The following CAPZA1 variants were observed in gnomAD, a reference collection of about 807,000 sequenced individuals.
CAPZA1 encodes the protein F-actin-capping protein subunit alpha-1.
A neutral mutation model predicts 40.8 loss-of-function variants in CAPZA1; 10 were observed. The observed-to-expected ratio is 0.25, with a 90% CI of 0.15 to 0.42. The LOEUF (loss-of-function observed/expected upper bound fraction) is 0.42. Among genes scored for constraint, CAPZA1 ranks in the 10% least tolerant of loss-of-function variants. CAPZA1 has a pLI of 1.00. For synonymous variants in CAPZA1, 98 were observed against 115.0 expected (o/e 0.85, Z 0.95); for missense variants, 277 against 353.8 (o/e 0.78, Z 1.74).
intron 1 of CAPZA1, among the ~76,000 whole-genome samples, chr1:112,646,438 G>C (rs1017072322): frequency 6.6e-6 from 1 of 152,030 alleles, no homozygotes; most frequent in African/African-American, 2.4e-5. Flanking sequence ...GAAGTTAGGT[G>C]TGGTGGCACA....
chr1:112,643,296 T>C (rs1351606610), intron 1 of CAPZA1, among the ~76,000 whole-genome samples: 1 of 152,182 alleles, frequency 6.6e-6, no homozygotes, highest in African/African-American at 2.4e-5. Flanking sequence ...AATCTCTCTT[T>C]TTATTGTTTT....
intron 1 of CAPZA1, 143 bp from the exon 2 acceptor site, chr1:112,647,067 A>G (rs1184964106): frequency 2.4e-6 from 1 of 411,952 alleles, no homozygotes; most frequent in Non-Finnish European, 4.3e-6. Flanking sequence ...TGAAAAGAAA[A>G]TTTGAAGACT....
chr1:112,670,370 T>TTC lies in CAPZA1; in HGVS notation c.*239_*240insCT. 2.4e-6 allele frequency: 1 copy of TTC among 415,894 alleles called. No individual in the cohort carries two copies. Among genetic ancestry groups the TTC allele is most frequent in the Non-Finnish European group, 4.3e-6 (1 of 233,814 alleles). The allele number at this position is 415,894 out of a possible 1,614,324, so 25.8% of individuals were successfully genotyped here. A position where few individuals can be genotyped will look rare whatever the true frequency, so the allele number is the denominator to read the frequency against. On this transcript the variant is annotated 3_prime_UTR_variant, in exon 10 of 10. Coordinates refer to ENST00000263168, the MANE Select transcript of CAPZA1 (RefSeq NM_006135.3). ...CGTGTAAATCTTTTTTTCTTTTTTT[T>TTC]TTTTTTTTTTTGGTTAATTCTGCCA...
rs1204251382 is a variant in CAPZA1 at position 112,670,354 on chromosome 1, CTTTTTTTCT to C, written c.*230_*238del. The C allele has an allele frequency of 0.032, 4,218 of 130,468 alleles. 163 individuals carry two copies. The highest frequency in any genetic ancestry group is 0.18 in the African/African-American group (3,925 of 21,418). 8.1% of individuals were successfully genotyped at this position (130,468 alleles called of 1,614,324 possible). ...GTTACTGCTATATCTACGTGTAAAT[CTTTTTTTCT>C]TTTTTTTTTTTTTTTTTTGGTTAAT... On this transcript the variant is annotated 3_prime_UTR_variant, in exon 10 of 10. Coordinates refer to ENST00000263168, the MANE Select transcript of CAPZA1 (RefSeq NM_006135.3).
At chr1:112,628,013 T>G (rs1370020722) in intron 1 of CAPZA1, among the ~76,000 whole-genome samples, 1 of 150,994 alleles carries the variant, frequency 6.6e-6, no homozygotes, top group Non-Finnish European at 1.5e-5. Context: ...CCGTGAAGAG[T>G]TCTAGTATTT....
intron 1 of CAPZA1, among the ~76,000 whole-genome samples, chr1:112,637,473 G>T (rs1261063759): frequency 6.6e-6 from 1 of 152,184 alleles, no homozygotes; most frequent in Non-Finnish European, 1.5e-5. Flanking sequence ...GTTGAGACAG[G>T]CTCTTGCTCT....
intron 2 of CAPZA1, among the ~76,000 whole-genome samples, 190 bp from the exon 3 acceptor site, chr1:112,649,228 T>A (rs137927735): frequency 6.6e-6 from 1 of 152,344 alleles, no homozygotes; most frequent in African/African-American, 2.4e-5. Flanking sequence ...TGAGACTATA[T>A]AGCACACATA....
intron 7 of CAPZA1, among the ~76,000 whole-genome samples, chr1:112,665,174 T>C (rs1671699230): frequency 8.4e-6 from 1 of 118,790 alleles, no homozygotes; most frequent in African/African-American, 3.0e-5. Flanking sequence ...TGGGGTTTTT[T>C]TGTGTTTTTT....
At chr1:112,640,581 C>T (rs1202535632) in intron 1 of CAPZA1, among the ~76,000 whole-genome samples, 2 of 150,314 alleles carry the variant, frequency 1.3e-5, no homozygotes, top group African/African-American at 4.9e-5. Context: ...GCCAGCCGCC[C>T]CATCCGGGAG....
intron 7 of CAPZA1, 135 bp downstream of exon 7, chr1:112,659,914 T>G (rs924420846): frequency 3.0e-6 from 2 of 660,532 alleles, no homozygotes; most frequent in African/African-American, 1.8e-5. Flanking sequence ...AATAGAAGCC[T>G]CCTTCTTGGG....
intron 1 of CAPZA1, among the ~76,000 whole-genome samples, chr1:112,626,988 T>G (rs2101137966): frequency 6.6e-6 from 1 of 152,360 alleles, no homozygotes; most frequent in Middle Eastern, 3.4e-3. Context: ...TGGGTAACAT[T>G]TAAGTGCTTC....
chr1:112,643,809 TA>T (rs752821893), intron 1 of CAPZA1, among the ~76,000 whole-genome samples: 2 of 152,212 alleles, frequency 1.3e-5, no homozygotes, highest in Admixed American at 6.5e-5. Flanking sequence ...ATTATCTGTA[TA>T]AGCCTAGGAA....
chr1:112,627,579 C>G (rs1013685327), intron 1 of CAPZA1, among the ~76,000 whole-genome samples: 13 of 136,772 alleles, frequency 9.5e-5, no homozygotes, highest in African/African-American at 3.6e-4. Context: ...TTGCAGTGAG[C>G]CGAGATCATG....
At chr1:112,659,244 C>T (rs1671556077) in intron 6 of CAPZA1, 143 bp downstream of exon 6, 3 of 641,560 alleles carry the variant, frequency 4.7e-6, no homozygotes, top group Non-Finnish European at 8.4e-6. Context: ...AGATTCCTTA[C>T]AGTTCTAAGG....
intron 1 of CAPZA1, among the ~76,000 whole-genome samples, chr1:112,628,908 C>T (rs1670866372): frequency 6.6e-6 from 1 of 152,162 alleles, no homozygotes; most frequent in African/African-American, 2.4e-5. Context: ...TATTTCTTAC[C>T]ACACCCTTAT....
chr1:112,659,498 T>C (rs561716080), intron 6 of CAPZA1: 2 of 569,068 alleles, frequency 3.5e-6, no homozygotes. Flanking sequence ...AGAAAAGGCT[T>C]ATGGTCAGGC....
chr1:112,653,315 G>A (rs547489155), intron 3 of CAPZA1, among the ~76,000 whole-genome samples: 3 of 152,236 alleles, frequency 2.0e-5, no homozygotes, highest in East Asian at 1.9e-4. Flanking sequence ...ACCAACTTTG[G>A]AATTGTCTAA....
chr1:112,621,335 T>A lies in CAPZA1; in HGVS notation c.39+1452T>A, dbSNP rs187619875. 5.7e-4 allele frequency among the ~76,000 whole-genome samples: 86 copies of A among 151,916 alleles called. 1 individual carries two copies. The East Asian group carries it at 0.011, about 20-fold the overall frequency. On this transcript the variant is annotated intron_variant, in intron 1 of 9. Coordinates refer to ENST00000263168, the MANE Select transcript of CAPZA1 (RefSeq NM_006135.3). Reference sequence around the variant, plus strand: ...GAGTCTCGCTCGGCTCACTGCAACTTCCGCCTCCCTGGTTCAAATTATTCT... The same window carrying A: ...GAGTCTCGCTCGGCTCACTGCAACTACCGCCTCCCTGGTTCAAATTATTCT...
intron 3 of CAPZA1, among the ~76,000 whole-genome samples, chr1:112,651,551 G>C (rs550036882): frequency 6.6e-6 from 1 of 152,248 alleles, no homozygotes; most frequent in Non-Finnish European, 1.5e-5. Context: ...AAGAATCAAA[G>C]ATCACCCCAA....
Sources: gnomAD v4.1 joint callset for allele counts (sites outside exome capture counted in the v4.1 genomes callset) on GRCh38, gnomAD v4.1.1 for gene constraint, MANE v1.5 for transcripts, NCBI Gene and HGNC (gene_info 2026-07-23, HGNC 2026-07-21) for gene names.